PLXNA4: variants seen among roughly 807,000 people sequenced by gnomAD.
PLXNA4 encodes the protein plexin A4.
PLXNA4 carries 44 observed loss-of-function variants against 191.8 expected under a neutral mutation model. That is an observed-to-expected ratio of 0.23 (90% CI 0.18 to 0.29). The LOEUF is 0.29. Among genes scored for constraint, PLXNA4 ranks in the 10% least tolerant of loss-of-function variants. The pLI is 1.00. For missense variants in PLXNA4, 1,800 were observed against 2,488.8 expected, an observed-to-expected ratio of 0.72 and a Z score of 5.89; for synonymous variants, 1,082 against 1,009.5, an observed-to-expected ratio of 1.07 and a Z score of -1.36.
At chr7:132,151,290 GGAAGAAGAAGGAGGAGGAA>G (rs1795596349) in intron 25 of PLXNA4, among the ~76,000 whole-genome samples, 2 of 57,540 alleles carry the variant, frequency 3.5e-5, no homozygotes, top group Non-Finnish European at 7.0e-5. Context: ...AGGAGGAGGA[GGAAGAAGAAGGAGGAGGAA>G]GAAGGAGGAG....
chr7:132,554,427 G>A (rs1302434249), intron 1 of PLXNA4, among the ~76,000 whole-genome samples: 7 of 152,142 alleles, frequency 4.6e-5, no homozygotes, highest in South Asian at 2.1e-4. Flanking sequence ...GACACACTCC[G>A]TTTCCAGAGT....
chr7:132,425,502 G>C (rs1169100227), intron 3 of PLXNA4, among the ~76,000 whole-genome samples: 1 of 151,992 alleles, frequency 6.6e-6, no homozygotes, highest in African/African-American at 2.4e-5. Context: ...GCCCCTCCTG[G>C]CTCCTCCTCC....
At chr7:132,395,616 T>G (rs1793726148) in intron 3 of PLXNA4, among the ~76,000 whole-genome samples, 1 of 152,220 alleles carries the variant, frequency 6.6e-6, no homozygotes, top group Admixed American at 6.5e-5. Context: ...AGCAGCCAGT[T>G]AAACCCTGGC....
intron 3 of PLXNA4, among the ~76,000 whole-genome samples, chr7:132,326,031 C>T (rs1014434867): frequency 1.4e-4 from 21 of 152,158 alleles, no homozygotes; most frequent in African/African-American, 5.1e-4. Context: ...CTGAGTGCAC[C>T]TGTGAAGGTC....
intron 3 of PLXNA4, among the ~76,000 whole-genome samples, chr7:132,310,201 C>A (rs1248369113): frequency 6.6e-6 from 1 of 152,242 alleles, no homozygotes; most frequent in South Asian, 2.1e-4. Flanking sequence ...GAGCTCAGAG[C>A]TGCCGTGAGG....
intron 8 of PLXNA4, among the ~76,000 whole-genome samples, chr7:132,224,792 CT>C (rs1562976875): frequency 1.3e-5 from 2 of 152,156 alleles, no homozygotes; most frequent in African/African-American, 4.8e-5. Flanking sequence ...CGGATGCCTT[CT>C]TACTTGGGGC....
In PLXNA4 at chr7:132,130,223, C is replaced by A; in HGVS notation, c.*256G>T. On this transcript the variant is annotated 3_prime_UTR_variant, in exon 32 of 32. Transcript: ENST00000321063. ...TCTCTGACATCTTCTGGTCAGCTCCCTTGCCATGGGCCTGGCCATTCTTGG... is the reference window on the plus strand; with the variant it reads ...TCTCTGACATCTTCTGGTCAGCTCCATTGCCATGGGCCTGGCCATTCTTGG... The A allele has an allele frequency of 2.1e-6, 1 of 466,862 alleles. No individual in the cohort carries two copies. The allele number at this position is 466,862 out of a possible 1,614,324, so 28.9% of individuals were successfully genotyped here. A position where few individuals can be genotyped will look rare whatever the true frequency, so the allele number is the denominator to read the frequency against.
intron 3 of PLXNA4, among the ~76,000 whole-genome samples, chr7:132,451,557 T>A (rs984573910): frequency 2.6e-5 from 4 of 152,230 alleles, no homozygotes; most frequent in Non-Finnish European, 4.4e-5. Flanking sequence ...TGCACTGATG[T>A]CCAGCAAGGA....
intron 1 of PLXNA4, among the ~76,000 whole-genome samples, chr7:132,524,499 T>C (rs190927967): frequency 4.8e-4 from 73 of 152,324 alleles, no homozygotes; most frequent in Non-Finnish European, 8.2e-4. Context: ...TTCCCCATTA[T>C]ATAAAACAGT....
intron 2 of PLXNA4, among the ~76,000 whole-genome samples, chr7:132,601,037 A>G (rs1802808276): frequency 6.6e-6 from 1 of 152,108 alleles, no homozygotes; most frequent in South Asian, 2.1e-4. Context: ...CTTAGCATAT[A>G]CTTAGTACAC....
In PLXNA4 at chr7:132,635,305, C is replaced by T. The variant is rs75107384; in HGVS notation, c.-87+10623G>A. On this transcript the variant is annotated intron_variant, in intron 2 of 4. Coordinates refer to the PLXNA4 transcript ENST00000378539. ...TCCTCCTTGGGGTCAAAGGTCATAG[C>T]GTACTTAGTTTTGCACTCTCAATGC... is the stretch of plus-strand genomic sequence containing the variant. Among the ~76,000 whole-genome samples, 758 of 151,698 alleles carry T rather than the reference C, an allele frequency of 5.0e-3. 4 individuals are homozygous for T. The highest frequency in any genetic ancestry group is 0.017 in the African/African-American group (708 of 41,326).
At chr7:132,394,145 T>C (rs1793647592) in intron 3 of PLXNA4, among the ~76,000 whole-genome samples, 2 of 152,168 alleles carry the variant, frequency 1.3e-5, no homozygotes, top group African/African-American at 4.8e-5. Flanking sequence ...AGGGAACAGT[T>C]TGTGCTCATG....
intron 23 of PLXNA4, 67 bp downstream of exon 23, chr7:132,165,067 C>G: frequency 1.3e-6 from 2 of 1,574,058 alleles, no homozygotes; most frequent in Non-Finnish European, 1.7e-6. Flanking sequence ...GGGTGTGGAG[C>G]GATCCCCAGT....
intron 4 of PLXNA4, among the ~76,000 whole-genome samples, chr7:132,245,146 A>G (rs1328141506): frequency 6.6e-6 from 1 of 152,128 alleles, no homozygotes; most frequent in Non-Finnish European, 1.5e-5. Flanking sequence ...CAGGCATGCT[A>G]ATTAACTGAG....
At chr7:132,178,294 C>T (rs28728020) in intron 20 of PLXNA4, among the ~76,000 whole-genome samples, 23 of 152,020 alleles carry the variant, frequency 1.5e-4, no homozygotes, top group African/African-American at 5.6e-4. Context: ...GGAGGCTGCT[C>T]TAGTGGGGTG....
chr7:132,581,093 T>G (rs1302030521), upstream of PLXNA4, among the ~76,000 whole-genome samples: 1 of 152,220 alleles, frequency 6.6e-6, no homozygotes, highest in African/African-American at 2.4e-5. Flanking sequence ...TTTCGAGGGA[T>G]GGGCAGCAGC....
intron 3 of PLXNA4, among the ~76,000 whole-genome samples, chr7:132,464,794 G>A (rs1417349099): frequency 2.6e-5 from 4 of 152,186 alleles, no homozygotes; most frequent in African/African-American, 9.6e-5. Flanking sequence ...GGCATTCTAT[G>A]GCGCAAGCTC....
chr7:132,409,793 G>C (rs1410269391), intron 3 of PLXNA4, among the ~76,000 whole-genome samples: 1 of 152,134 alleles, frequency 6.6e-6, no homozygotes, highest in East Asian at 1.9e-4. Context: ...ACACTGGTTG[G>C]TAAATTACCG....
chr7:132,324,387 C>G lies in PLXNA4; in HGVS notation c.1372-26165G>C, dbSNP rs575168561. Among the ~76,000 whole-genome samples the G allele has an allele frequency of 3.9e-5, 6 of 152,256 alleles. No individual in the cohort carries two copies. The East Asian group carries it at 1.2e-3, about 29-fold the overall frequency. Reference sequence around the variant, plus strand: ...TCACTGTTTCAGTTCATTTTCCCCCCAATGATAGATTGTGATAAGTTGGTT... The same window carrying G: ...TCACTGTTTCAGTTCATTTTCCCCCGAATGATAGATTGTGATAAGTTGGTT... On this transcript the variant is annotated intron_variant, in intron 3 of 31. Transcript: ENST00000321063.
Sources: gnomAD v4.1 joint callset for allele counts (sites outside exome capture counted in the v4.1 genomes callset) on GRCh38, gnomAD v4.1.1 for gene constraint, MANE v1.5 for transcripts, NCBI Gene and HGNC (gene_info 2026-07-23, HGNC 2026-07-21) for gene names.